PLEKHA6: variants seen among roughly 807,000 people sequenced by gnomAD.
PLEKHA6 encodes pleckstrin homology domain-containing family A member 6.
PLEKHA6 carries 60 observed loss-of-function variants against 116.7 expected under a neutral mutation model. The ratio of observed to expected loss-of-function variants is 0.51; its 90% CI spans 0.42 to 0.64. PLEKHA6 has a LOEUF of 0.64. Ranked by LOEUF, PLEKHA6 falls within the 30% of genes least tolerant of loss-of-function variation. The pLI, the probability that PLEKHA6 is intolerant of heterozygous loss-of-function variation, is 0.00. For missense variants in PLEKHA6, 1,338 were observed against 1,422.7 expected, an observed-to-expected ratio of 0.94 and a Z score of 0.96; for synonymous variants, 489 against 556.1, an observed-to-expected ratio of 0.88 and a Z score of 1.70.
rs112470792 is a variant in PLEKHA6, at chr1:204,246,284, G to C, written c.1921-558C>G. Among the ~76,000 whole-genome samples, 1,149 of 152,262 alleles carry C rather than the reference G, an allele frequency of 7.5e-3. 6 individuals carry two copies. The highest frequency in any genetic ancestry group is 0.013 in the Non-Finnish European group (861 of 68,020). ...AACTCATTTCGGCTGCATGACTCTAGGAGATAAGGGCAGCAGCTATCCCCT... is the reference window on the plus strand; with the variant it reads ...AACTCATTTCGGCTGCATGACTCTACGAGATAAGGGCAGCAGCTATCCCCT... On this transcript the variant is annotated intron_variant, in intron 13 of 22. Coordinates refer to ENST00000272203, the MANE Select transcript of PLEKHA6 (RefSeq NM_014935.5).
chr1:204,278,283 C>T (rs565804954), intron 1 of PLEKHA6, among the ~76,000 whole-genome samples: 2 of 152,350 alleles, frequency 1.3e-5, no homozygotes, highest in South Asian at 2.1e-4. Context: ...AGAGTTCTAG[C>T]AAAGGAGGCT....
chr1:204,345,556 T>A (rs1237874804), intron 1 of PLEKHA6, among the ~76,000 whole-genome samples: 1 of 151,946 alleles, frequency 6.6e-6, no homozygotes, highest in Non-Finnish European at 1.5e-5. Flanking sequence ...GGTGCCACCA[T>A]GAGGCAGATG....
chr1:204,226,982 A>C (rs1660450405), intron 21 of PLEKHA6, among the ~76,000 whole-genome samples: 3 of 152,156 alleles, frequency 2.0e-5, no homozygotes, highest in Admixed American at 1.3e-4. Context: ...TTTGGCACAC[A>C]TTGTTTCCAA....
Position 204,219,675 on chromosome 1 carries a change from G to T in PLEKHA6, c.*3113C>A, listed in dbSNP as rs1210262421. ...CAGGAGCTCTGCTCTAGATTCCCAAGCCCTTGATTTCAGACCTAGACAAAG... is the reference window on the plus strand; with the variant it reads ...CAGGAGCTCTGCTCTAGATTCCCAATCCCTTGATTTCAGACCTAGACAAAG... On this transcript the variant is annotated 3_prime_UTR_variant, in exon 23 of 23. Transcript: ENST00000272203. The T allele has an allele frequency of 6.6e-6, 1 of 152,230 alleles. No individual in the cohort carries two copies. The highest frequency in any genetic ancestry group is 1.5e-5 in the Non-Finnish European group (1 of 68,064). 9.4% of individuals were successfully genotyped at this position (152,230 alleles called of 1,614,324 possible).
At chr1:204,270,293 C>T (rs908887206) in intron 3 of PLEKHA6, among the ~76,000 whole-genome samples, 4 of 152,126 alleles carry the variant, frequency 2.6e-5, no homozygotes, top group African/African-American at 9.7e-5. Context: ...ATTTTTACAT[C>T]GTGCCTGTGT....
chr1:204,328,483 G>T lies in PLEKHA6; in HGVS notation c.-95+31211C>A, dbSNP rs564597037. On this transcript the variant is annotated intron_variant, in intron 1 of 22. Transcript: ENST00000272203. Reference sequence around the variant, plus strand: ...ACCATCTCGGCTCACTGCAACCTCTGCCTCTCGGGTTTCCCTGCCTCAGCC... The same window carrying T: ...ACCATCTCGGCTCACTGCAACCTCTTCCTCTCGGGTTTCCCTGCCTCAGCC... Among the ~76,000 whole-genome samples, 6 of 150,748 alleles carry T rather than the reference G, an allele frequency of 4.0e-5. No individual in the cohort carries two copies. In the East Asian group the frequency reaches 1.2e-3, roughly 30 times the overall value.
intron 1 of PLEKHA6, chr1:204,346,791 A>G: frequency 8.8e-7 from 1 of 1,132,110 alleles, no homozygotes; most frequent in East Asian, 2.3e-5. Flanking sequence ...CCATGAATTC[A>G]TAGGGAATAG....
At chr1:204,230,617 A>G in intron 17 of PLEKHA6, 31 bp from the exon 18 acceptor site, 1 of 1,567,442 alleles carries the variant, frequency 6.4e-7, no homozygotes, top group Middle Eastern at 1.7e-4. Flanking sequence ...GGCTCTGACA[A>G]GTGCCTTATC....
chr1:204,266,147 T>C (rs1014162800), intron 5 of PLEKHA6, among the ~76,000 whole-genome samples: 1 of 152,122 alleles, frequency 6.6e-6, no homozygotes, highest in Non-Finnish European at 1.5e-5. Context: ...GGCCCACAGA[T>C]CAGCTTCTCT....
At chr1:204,251,952 C>T (rs1664631026) in intron 9 of PLEKHA6, among the ~76,000 whole-genome samples, 2 of 152,146 alleles carry the variant, frequency 1.3e-5, no homozygotes, top group Non-Finnish European at 1.5e-5. Context: ...ATTTCTCACA[C>T]CACTTTTGAC....
At chr1:204,244,134 T>A (rs1161263715) in intron 15 of PLEKHA6, among the ~76,000 whole-genome samples, 1 of 151,910 alleles carries the variant, frequency 6.6e-6, no homozygotes, top group Admixed American at 6.6e-5. Flanking sequence ...TTCTTTTATT[T>A]TTTATTATTA....
At chr1:204,308,615 A>C (rs1007363477) in intron 1 of PLEKHA6, among the ~76,000 whole-genome samples, 5 of 151,548 alleles carry the variant, frequency 3.3e-5, no homozygotes, top group Non-Finnish European at 7.4e-5. Flanking sequence ...GTAGGCACTC[A>C]GTAAATGCCC....
At chr1:204,300,523 C>T (rs1670712422) in intron 1 of PLEKHA6, among the ~76,000 whole-genome samples, 1 of 152,256 alleles carries the variant, frequency 6.6e-6, no homozygotes, top group Non-Finnish European at 1.5e-5. Flanking sequence ...TTCCTCTCTT[C>T]TGAGCCATTA....
chr1:204,302,178 C>A (rs1670888671), intron 1 of PLEKHA6, among the ~76,000 whole-genome samples: 1 of 152,182 alleles, frequency 6.6e-6, no homozygotes, highest in African/African-American at 2.4e-5. Flanking sequence ...AAATTCAATT[C>A]CCTCATGTTA....
At chr1:204,335,399 C>T (rs1167033999) in intron 1 of PLEKHA6, among the ~76,000 whole-genome samples, 3 of 152,066 alleles carry the variant, frequency 2.0e-5, no homozygotes, top group East Asian at 1.9e-4. Flanking sequence ...TCCCTTCCTT[C>T]CCCAGCAGAG....
upstream of PLEKHA6, among the ~76,000 whole-genome samples, chr1:204,360,385 C>CCCG (rs1553284989): frequency 1.1e-5 from 1 of 95,150 alleles, no homozygotes; most frequent in South Asian, 2.8e-4. Context: ...CATCCCCCGC[C>CCCG]CCCCCCCCAA....
Position 204,226,141 on chromosome 1 carries a change from C to G in PLEKHA6, c.3031+1942G>C, listed in dbSNP as rs570413176. On this transcript the variant is annotated intron_variant, in intron 21 of 22. Coordinates refer to ENST00000272203, the MANE Select transcript of PLEKHA6 (RefSeq NM_014935.5). ...TGCCCACACAGTGCATGCCCAGGAC[C>G]AGTCTTGCTGTGCCTGGCAGAGCTG... Among the ~76,000 whole-genome samples the G allele has an allele frequency of 1.3e-4, 20 of 152,356 alleles. No homozygotes were observed. The South Asian group carries it at 2.3e-3, about 17-fold the overall frequency.
At chr1:204,306,995 T>C (rs4287237) in intron 1 of PLEKHA6, among the ~76,000 whole-genome samples, 63,748 of 152,048 alleles carry the variant, frequency 0.42, 14,199 homozygotes, top group East Asian at 0.73. Flanking sequence ...AGAAATTAGA[T>C]ATTTTCTTTA....
upstream of PLEKHA6, among the ~76,000 whole-genome samples, chr1:204,363,593 G>A (rs1673599685): frequency 6.6e-6 from 1 of 152,208 alleles, no homozygotes; most frequent in African/African-American, 2.4e-5. Flanking sequence ...CACCGGCGGC[G>A]GCTTCCGCAG....
Sources: gnomAD v4.1 joint callset for allele counts (sites outside exome capture counted in the v4.1 genomes callset) on GRCh38, gnomAD v4.1.1 for gene constraint, MANE v1.5 for transcripts, NCBI Gene and HGNC (gene_info 2026-07-23, HGNC 2026-07-21) for gene names.